GSE1: variants seen among roughly 807,000 people sequenced by gnomAD.
GSE1 encodes the protein genetic suppressor element 1.
In GSE1, 32 loss-of-function variants were observed where a neutral mutation model predicts 112.6. That is an observed-to-expected ratio of 0.28 (90% CI 0.21 to 0.38). GSE1 has a LOEUF of 0.38. GSE1 is among the 10% of genes least tolerant of loss of function. The pLI, the probability that GSE1 is intolerant of heterozygous loss-of-function variation, is 1.00. For synonymous variants in GSE1, 1,115 were observed against 735.6 expected (o/e 1.52, Z -8.35); for missense variants, 2,348 against 1,699.2 (o/e 1.38, Z -6.71).
At chr16:85,203,088 C>G (rs2075057824) in intron 1 of GSE1, among the ~76,000 whole-genome samples, 1 of 151,960 alleles carries the variant, frequency 6.6e-6, no homozygotes, top group Non-Finnish European at 1.5e-5. Flanking sequence ...CTGGATTTCT[C>G]CTGAGATGCT....
chr16:85,656,258 CT>C (rs1432176885), intron 6 of GSE1, 84 bp from the exon 7 acceptor site: 2 of 1,532,614 alleles, frequency 1.3e-6, no homozygotes, highest in Non-Finnish European at 1.8e-6. Flanking sequence ...TGGCTCGTTC[CT>C]GGTTATGCTT....
At chr16:85,252,807 G>T (rs1252085703) in intron 1 of GSE1, among the ~76,000 whole-genome samples, 2 of 152,234 alleles carry the variant, frequency 1.3e-5, no homozygotes, top group Non-Finnish European at 2.9e-5. Context: ...GACAGGACGG[G>T]CCTGTCCTTG....
chr16:85,545,364 C>T (rs939231350), intron 2 of GSE1, among the ~76,000 whole-genome samples: 2 of 152,218 alleles, frequency 1.3e-5, no homozygotes, highest in African/African-American at 2.4e-5. Flanking sequence ...AAATGGAGGT[C>T]GGACACACAG....
At chr16:85,319,956 A>C (rs1457358932) in intron 1 of GSE1, among the ~76,000 whole-genome samples, 1 of 152,228 alleles carries the variant, frequency 6.6e-6, no homozygotes, top group African/African-American at 2.4e-5. Flanking sequence ...CCGGGCTTAC[A>C]ACTGGCAAAG....
intron 1 of GSE1, among the ~76,000 whole-genome samples, chr16:85,200,492 A>ATAAGATTTAGAGAACAG (rs1198733882): frequency 8.5e-5 from 13 of 152,070 alleles, no homozygotes; most frequent in African/African-American, 2.7e-4. Context: ...CAGTGGAGGC[A>ATAAGATTTAGAGAACAG]GAGCCTGAAC....
In GSE1 at chr16:85,227,949, G is replaced by A. The variant is rs1307129454; in HGVS notation, c.2283+56142G>A. 3.9e-5 allele frequency among the ~76,000 whole-genome samples: 6 copies of A among 152,308 alleles called. No homozygotes were observed. The East Asian group carries it at 5.8e-4, about 15-fold the overall frequency. ...GAAACAGATCAACGCAGAGAACCCC[G>A]TGCAGGGGAGTGAAACAGGGAATAC... On this transcript the variant is annotated intron_variant, in intron 1 of 2. Transcript: ENST00000637419.
intron 1 of GSE1, among the ~76,000 whole-genome samples, chr16:85,614,282 C>G (rs529488625): frequency 6.6e-6 from 1 of 152,224 alleles, no homozygotes; most frequent in Non-Finnish European, 1.5e-5. Flanking sequence ...CCGAGTGGAG[C>G]CGATTCAATT....
At chr16:85,348,811 C>A (rs941791888) in intron 1 of GSE1, among the ~76,000 whole-genome samples, 2 of 152,218 alleles carry the variant, frequency 1.3e-5, no homozygotes, top group Non-Finnish European at 2.9e-5. Flanking sequence ...TGGGACAGAA[C>A]TGCCTTTTTA....
At chr16:85,606,542 C>G (rs2047711023), upstream of GSE1, among the ~76,000 whole-genome samples, 2 of 152,334 alleles carry the variant, frequency 1.3e-5, no homozygotes, top group East Asian at 1.9e-4. Context: ...GAAGGGGCCA[C>G]TTTGCCACTG....
At chr16:85,269,212 A>G (rs78176534) in intron 1 of GSE1, among the ~76,000 whole-genome samples, 2,027 of 149,368 alleles carry the variant, frequency 0.014, 104 homozygotes, top group African/African-American at 0.046. Context: ...CCCACCTCCA[A>G]TTTACTCCTT....
chr16:85,224,077 C>G (rs998455357), intron 1 of GSE1, among the ~76,000 whole-genome samples: 8 of 151,972 alleles, frequency 5.3e-5, no homozygotes, highest in African/African-American at 1.9e-4. Context: ...GACACTTCCT[C>G]CCTTGGCGAT....
intron 1 of GSE1, among the ~76,000 whole-genome samples, chr16:85,576,787 CT>C (rs1567607843): frequency 1.3e-5 from 2 of 152,186 alleles, no homozygotes; most frequent in African/African-American, 4.8e-5. Flanking sequence ...GACTGATGCC[CT>C]GGTGTGTCCT....
chr16:85,561,293 CAT>C (rs1287665789), intron 1 of GSE1, among the ~76,000 whole-genome samples: 1 of 152,200 alleles, frequency 6.6e-6, no homozygotes, highest in Non-Finnish European at 1.5e-5. Flanking sequence ...ATTGAGGTCA[CAT>C]GTGCGCTAAA....
At chr16:85,192,967 C>T (rs1465256164) in intron 1 of GSE1, among the ~76,000 whole-genome samples, 1 of 152,178 alleles carries the variant, frequency 6.6e-6, no homozygotes, top group Non-Finnish European at 1.5e-5. Context: ...GGCGTCTGGC[C>T]GACTAGGGCA....
At chr16:85,216,041 G>C (rs1191025738) in intron 1 of GSE1, among the ~76,000 whole-genome samples, 1 of 152,232 alleles carries the variant, frequency 6.6e-6, no homozygotes, top group Non-Finnish European at 1.5e-5. Flanking sequence ...GCCAACAGGA[G>C]TTGGGGAGGG....
At chr16:85,368,255 C>G (rs2047227040) in intron 2 of GSE1, among the ~76,000 whole-genome samples, 1 of 152,214 alleles carries the variant, frequency 6.6e-6, no homozygotes, top group Non-Finnish European at 1.5e-5. Context: ...CATTCTCTCT[C>G]CAGGACCCAG....
At position 85,454,279 on chromosome 16, in the gene GSE1, C is replaced by T. The variant is rs1489984706; in HGVS notation, c.2464+96636C>T. ...AATTTTCATACCCTCCGAGCTTCTC[C>T]GAGGCTGCCCCAGGCCCTTGGTTCC... is the stretch of plus-strand genomic sequence containing the variant. On this transcript the variant is annotated intron_variant, in intron 2 of 2. Coordinates refer to the GSE1 transcript ENST00000637419. 3.3e-5 allele frequency among the ~76,000 whole-genome samples: 5 copies of T among 152,224 alleles called. No individual in the cohort carries two copies. In the East Asian group the frequency reaches 5.8e-4, roughly 18 times the overall value.
Position 85,674,433 on chromosome 16 carries a change from C to T in GSE1, c.*1894C>T, listed in dbSNP as rs1239924147. Reference sequence around the variant, plus strand: ...AGGGGCTGTGCTGCAGGCCTCCCCTCGAAAGACACTGGGAGGTCAGCATGT... The same window carrying T: ...AGGGGCTGTGCTGCAGGCCTCCCCTTGAAAGACACTGGGAGGTCAGCATGT... On this transcript the variant is annotated 3_prime_UTR_variant, in exon 16 of 16. Coordinates refer to ENST00000253458, the MANE Select transcript of GSE1 (RefSeq NM_014615.5). The T allele has an allele frequency of 1.3e-5, 2 of 149,166 alleles. No individual in the cohort carries two copies. Among genetic ancestry groups the T allele is most frequent in the African/African-American group, 2.6e-5 (1 of 39,136 alleles). The allele number at this position is 149,166 out of a possible 1,614,324, so 9.2% of individuals were successfully genotyped here.
intron 1 of GSE1, among the ~76,000 whole-genome samples, chr16:85,339,212 A>G (rs2046570768): frequency 6.6e-6 from 1 of 152,150 alleles, no homozygotes; most frequent in Non-Finnish European, 1.5e-5. Flanking sequence ...ACGTGATTGC[A>G]AATTGATTTT....
Sources: allele counts gnomAD v4.1 joint callset (sites outside exome capture counted in the v4.1 genomes callset), GRCh38; gene constraint gnomAD v4.1.1; transcripts MANE v1.5; gene names NCBI Gene and HGNC (gene_info 2026-07-23, HGNC 2026-07-21).